Variants in GRIK4 observed in about 807,000 individuals in gnomAD.
GRIK4 encodes glutamate receptor ionotropic, kainate 4.
GRIK4 carries 40 observed loss-of-function variants against 104.9 expected under a neutral mutation model. The observed-to-expected ratio is 0.38, with a 90% CI of 0.30 to 0.50. The LOEUF is 0.50. GRIK4 is among the 20% of genes least tolerant of loss of function. GRIK4 has a pLI of 0.93. For synonymous variants in GRIK4, 485 were observed against 524.9 expected (o/e 0.92, Z 1.04); for missense variants, 1,047 against 1,308.1 (o/e 0.80, Z 3.08).
chr11:120,903,019 C>T lies in GRIK4; in HGVS notation c.1273-2271C>T, dbSNP rs935813248. Among the ~76,000 whole-genome samples the T allele has an allele frequency of 6.6e-6, 1 of 152,178 alleles. No homozygotes were observed. Among genetic ancestry groups the T allele is most frequent in the Non-Finnish European group, 1.5e-5 (1 of 68,036 alleles). On this transcript the variant is annotated intron_variant, in intron 12 of 20. Transcript: ENST00000527524. The surrounding 1 kb of genome is among the most constrained non-coding windows in gnomAD (Gnocchi z 4.4). ...TCATCACGCCCACATCCTGCTCTCC[C>T]TCACAGTCCCTCCATGACCTTGTGT...
chr11:120,974,657 C>G (rs1944531953), intron 19 of GRIK4, among the ~76,000 whole-genome samples: 1 of 152,172 alleles, frequency 6.6e-6, no homozygotes, highest in Non-Finnish European at 1.5e-5. Flanking sequence ...TGCCACCAAT[C>G]CCGAGTCTTT....
chr11:120,901,472 C>G (rs115606847), intron 12 of GRIK4, among the ~76,000 whole-genome samples: 1,909 of 152,296 alleles, frequency 0.013, 35 homozygotes, highest in African/African-American at 0.042. Context: ...GAAGCCTTCC[C>G]TGCTCTAACT....
intron 3 of GRIK4, among the ~76,000 whole-genome samples, chr11:120,714,605 C>A (rs147847052): frequency 5.3e-5 from 8 of 152,250 alleles, no homozygotes; most frequent in Non-Finnish European, 1.0e-4. Context: ...AGTACTACAG[C>A]GTCCCATAGC....
At position 120,940,448 on chromosome 11, in the gene GRIK4, C is replaced by T; in HGVS notation, c.1578C>T (p.Tyr526=). Residue 526 remains tyrosine, a synonymous_variant, in exon 14 of 21, where the codon TAC becomes TAT. Coordinates refer to ENST00000527524, the MANE Select transcript of GRIK4 (RefSeq NM_014619.5). This position sits in a 1 kb window ranked among gnomAD's most constrained non-coding sequence, Gnocchi z 4.3. ...TGACTCTGGGAATTAGCATTCTTTA[C>T]CGCGTTCATATGGTAAGAGACTTAT... ...PFMTLGISIL[Y]RVHMGRKPGY... 6.3e-7 allele frequency: 1 copy of T among 1,588,980 alleles called. No individual in the cohort carries two copies. The highest frequency in any genetic ancestry group is 8.6e-7 in the Non-Finnish European group (1 of 1,157,392).
In GRIK4 at chr11:120,968,719, C is replaced by T. The variant is rs180704500; in HGVS notation, c.2395+1396C>T. ...CTGACCATGGGGAAAGCAGTGGACA[C>T]GAATGGACACAGGGCATGGGCAGAC... is the stretch of plus-strand genomic sequence containing the variant. On this transcript the variant is annotated intron_variant, in intron 19 of 20. Transcript: ENST00000527524. Among the ~76,000 whole-genome samples, 130 of 152,278 alleles carry T rather than the reference C, an allele frequency of 8.5e-4. 1 individual carries two copies. The South Asian group carries it at 0.01, about 12-fold the overall frequency.
At chr11:120,950,101 A>G (rs2134681632) in intron 14 of GRIK4, among the ~76,000 whole-genome samples, 1 of 152,326 alleles carries the variant, frequency 6.6e-6, no homozygotes, top group South Asian at 2.1e-4. Flanking sequence ...ATCTTGCAAG[A>G]CACATACTTC....
Position 120,697,239 on chromosome 11 carries a change from G to GT in GRIK4, c.82+36840dup, listed in dbSNP as rs539501441. ...TTGGCTGTGCTGATTCAGGGGAACA[G>GT]TGGCAGACAGTCCTCAGCATCAGCT... On this transcript the variant is annotated intron_variant, in intron 3 of 20. Coordinates refer to ENST00000527524, the MANE Select transcript of GRIK4 (RefSeq NM_014619.5). Among the ~76,000 whole-genome samples, 53 of 152,348 alleles carry GT rather than the reference G, an allele frequency of 3.5e-4. 1 individual carries two copies. The South Asian group carries it at 0.011, about 31-fold the overall frequency.
chr11:120,633,639 A>G (rs752372548), intron 1 of GRIK4, among the ~76,000 whole-genome samples: 2 of 152,118 alleles, frequency 1.3e-5, no homozygotes, highest in Admixed American at 6.5e-5. Flanking sequence ...TGGCTTTTTT[A>G]AGTAAAGAGG....
At chr11:120,588,610 C>T (rs1257342574) in intron 1 of GRIK4, among the ~76,000 whole-genome samples, 1 of 152,068 alleles carries the variant, frequency 6.6e-6, no homozygotes, top group Admixed American at 6.5e-5. Context: ...CCCAGGAGGT[C>T]AAGGGTGTAA....
rs897101489 is a variant in GRIK4 at position 120,524,798 on chromosome 11, C to T, written c.-159+12911C>T. On this transcript the variant is annotated intron_variant, in intron 1 of 20. Coordinates refer to ENST00000527524, the MANE Select transcript of GRIK4 (RefSeq NM_014619.5). The surrounding 1 kb of genome is among the most constrained non-coding windows in gnomAD (Gnocchi z 4.5). ...TGCATCCTGGGGGCATTTATCATCA[C>T]GCGGAGCTAGTTACGTGGCAGGGCA... Among the ~76,000 whole-genome samples, 29 of 152,156 alleles carry T rather than the reference C, an allele frequency of 1.9e-4. No homozygotes were observed. The highest frequency in any genetic ancestry group is 2.9e-4 in the African/African-American group (12 of 41,434).
At chr11:120,786,988 A>G (rs1952292629) in intron 3 of GRIK4, among the ~76,000 whole-genome samples, 1 of 152,210 alleles carries the variant, frequency 6.6e-6, no homozygotes, top group Admixed American at 6.5e-5. Flanking sequence ...AGAATACGAA[A>G]TACACAAATG....
intron 1 of GRIK4, among the ~76,000 whole-genome samples, chr11:120,592,553 T>G (rs1948747919): frequency 6.6e-6 from 1 of 152,156 alleles, no homozygotes. Flanking sequence ...AGATTTTTTA[T>G]CGAATGATGT....
In GRIK4 at chr11:120,678,446, A is replaced by G. The variant is rs192031611; in HGVS notation, c.82+18046A>G. Among the ~76,000 whole-genome samples, 621 of 152,154 alleles carry G rather than the reference A, an allele frequency of 4.1e-3. 2 individuals carry two copies. The highest frequency in any genetic ancestry group is 6.7e-3 in the Non-Finnish European group (455 of 67,940). ...TTTAACCAGGAATCATATGGCAGTG[A>G]TCTTTGATTACTTATGCGGCTAATA... On this transcript the variant is annotated intron_variant, in intron 3 of 20. Transcript: ENST00000527524.
intron 4 of GRIK4, among the ~76,000 whole-genome samples, chr11:120,813,996 T>G (rs57372846): frequency 6.6e-6 from 1 of 152,258 alleles, no homozygotes; most frequent in African/African-American, 2.4e-5. Flanking sequence ...CTCCCATCCT[T>G]CCTTTCTCAG....
intron 3 of GRIK4, among the ~76,000 whole-genome samples, chr11:120,791,724 C>A (rs776559651): frequency 6.6e-6 from 1 of 152,042 alleles, no homozygotes; most frequent in African/African-American, 2.4e-5. Context: ...TAGGTTTTAC[C>A]GTTATGTCTA....
chr11:120,525,324 C>A (rs1319267259), intron 1 of GRIK4, among the ~76,000 whole-genome samples: 1 of 152,122 alleles, frequency 6.6e-6, no homozygotes, highest in East Asian at 1.9e-4. Flanking sequence ...AAATGGGGTC[C>A]CCTGGCCGCT....
intron 3 of GRIK4, among the ~76,000 whole-genome samples, chr11:120,703,509 T>G (rs1413536484): frequency 6.6e-6 from 1 of 151,984 alleles, no homozygotes; most frequent in Non-Finnish European, 1.5e-5. Context: ...TTTCTTCCAC[T>G]GTCAGCCCAA....
chr11:120,531,269 C>T (rs1261331620), intron 1 of GRIK4, among the ~76,000 whole-genome samples: 1 of 152,250 alleles, frequency 6.6e-6, no homozygotes, highest in Non-Finnish European at 1.5e-5. Flanking sequence ...AAGAGTGAAA[C>T]TCAGAGCTTG....
intron 1 of GRIK4, among the ~76,000 whole-genome samples, chr11:120,538,642 C>T (rs189301801): frequency 4.9e-4 from 75 of 152,328 alleles, no homozygotes; most frequent in East Asian, 4.2e-3. Flanking sequence ...AGTGCAGAGA[C>T]GGGCCATGTT....
Sources: gnomAD v4.1 joint callset for allele counts (sites outside exome capture counted in the v4.1 genomes callset) on GRCh38, gnomAD v4.1.1 for gene constraint, Gnocchi (gnomAD v3.1) non-coding constraint, MANE v1.5 for transcripts, NCBI Gene and HGNC (gene_info 2026-07-23, HGNC 2026-07-21) for gene names.